PTPRD: variants seen among roughly 807,000 people sequenced by gnomAD.
The protein encoded by PTPRD is protein tyrosine phosphatase receptor type D.
Under a neutral mutation model 214.5 loss-of-function variants are expected in PTPRD, and 34 were observed. The observed-to-expected ratio is 0.16, with a 90% CI of 0.12 to 0.21. PTPRD has a LOEUF of 0.21. Among genes scored for constraint, PTPRD ranks in the 10% least tolerant of loss-of-function variants. The pLI, the probability that PTPRD is intolerant of heterozygous loss-of-function variation, is 1.00. For synonymous variants in PTPRD, 1,128 were observed against 845.7 expected (o/e 1.33, Z -5.79); for missense variants, 2,545 against 2,398.7 (o/e 1.06, Z -1.27).
At chr9:10,556,211 A>G (rs1455624207) in intron 2 of PTPRD, among the ~76,000 whole-genome samples, 1 of 152,150 alleles carries the variant, frequency 6.6e-6, no homozygotes, top group Non-Finnish European at 1.5e-5. Context: ...GTCAAACTTT[A>G]GAGAAATTAC....
intron 2 of PTPRD, among the ~76,000 whole-genome samples, chr9:10,496,232 C>G (rs1175361876): frequency 1.3e-5 from 2 of 151,656 alleles, no homozygotes; most frequent in African/African-American, 2.4e-5. Flanking sequence ...TGTAAGAGCA[C>G]TTGAAGCTAT....
chr9:9,857,464 C>A (rs1168010723), intron 5 of PTPRD, among the ~76,000 whole-genome samples: 1 of 152,114 alleles, frequency 6.6e-6, no homozygotes, highest in African/African-American at 2.4e-5. Context: ...TTTTATTTAT[C>A]TCAAACCATT....
At chr9:9,715,280 C>A (rs533638476) in intron 7 of PTPRD, among the ~76,000 whole-genome samples, 2 of 152,246 alleles carry the variant, frequency 1.3e-5, no homozygotes, top group East Asian at 3.9e-4. Flanking sequence ...ATACATTTTT[C>A]AACTCTAAAT....
At chr9:9,801,818 G>A (rs140190346) in intron 5 of PTPRD, among the ~76,000 whole-genome samples, 2 of 152,010 alleles carry the variant, frequency 1.3e-5, no homozygotes, top group Non-Finnish European at 2.9e-5. Context: ...TTTATCCGTT[G>A]TCTATAAATC....
chr9:9,720,876 C>A (rs1424562064), intron 7 of PTPRD, among the ~76,000 whole-genome samples: 1 of 152,010 alleles, frequency 6.6e-6, no homozygotes, highest in Non-Finnish European at 1.5e-5. Flanking sequence ...TTATCCTTAG[C>A]AAACTAATGC....
intron 5 of PTPRD, among the ~76,000 whole-genome samples, chr9:9,889,622 T>C (rs2153771340): frequency 6.6e-6 from 1 of 152,264 alleles, no homozygotes; most frequent in African/African-American, 2.4e-5. Context: ...AATTCCACAA[T>C]ACATTGCCTG....
intron 3 of PTPRD, among the ~76,000 whole-genome samples, chr9:10,062,131 G>A (rs968975509): frequency 5.9e-5 from 9 of 152,064 alleles, no homozygotes; most frequent in African/African-American, 2.2e-4. Context: ...CACTAATGAG[G>A]AGGGTGGTAG....
intron 4 of PTPRD, among the ~76,000 whole-genome samples, chr9:9,984,905 A>G (rs2095658423): frequency 6.6e-6 from 1 of 152,082 alleles, no homozygotes; most frequent in African/African-American, 2.4e-5. Flanking sequence ...ACACCCAAAA[A>G]CCAAAGGGGA....
At chr9:8,546,240 G>C (rs1183258807) in intron 14 of PTPRD, among the ~76,000 whole-genome samples, 3 of 152,148 alleles carry the variant, frequency 2.0e-5, no homozygotes, top group African/African-American at 7.2e-5. Flanking sequence ...GTTAGCTAAA[G>C]GATGAGAGAG....
rs868210901 is a variant in PTPRD, at chr9:8,436,650, G to A, written c.4028C>T (p.Ala1343Val). 6.8e-6 allele frequency: 11 copies of A among 1,613,358 alleles called. No individual in the cohort carries two copies. In the African/African-American group the frequency reaches 1.1e-4, roughly 16 times the overall value. The change falls in exon 35 of 46, where the codon GCA becomes GTA. Residue 1343 changes from alanine to valine, a missense_variant. Physicochemically the swap from Ala to Val is moderately conservative, Grantham distance 64. Coordinates refer to ENST00000381196, the MANE Select transcript of PTPRD (RefSeq NM_002839.4). Reference sequence around the variant, plus strand: ...TGCTTTCAATCTTTCAATGTGGTCTGCAAGTTCCAAGATGGGTATTGGAGG... The same window carrying A: ...TGCTTTCAATCTTTCAATGTGGTCTACAAGTTCCAAGATGGGTATTGGAGG... ...SHPPIPILELADHIERLKAND... is the reference protein window; with the variant it reads ...SHPPIPILELVDHIERLKAND...
rs182452815 is a variant in PTPRD at position 9,754,457 on chromosome 9, C to T, written c.-326+12353G>A. 2.6e-5 allele frequency among the ~76,000 whole-genome samples: 4 copies of T among 152,144 alleles called. No individual in the cohort carries two copies. The East Asian group carries it at 7.7e-4, about 29-fold the overall frequency. ...ACCCTCTTCAAGTTACTTAACAGCT[C>T]AGTGATTCCATCTCTCTGCAAATGG... On this transcript the variant is annotated intron_variant, in intron 6 of 45. Transcript: ENST00000381196.
At chr9:9,200,524 C>A (rs1274950672) in intron 9 of PTPRD, among the ~76,000 whole-genome samples, 1 of 152,110 alleles carries the variant, frequency 6.6e-6, no homozygotes, top group Non-Finnish European at 1.5e-5. Context: ...ATCCTACAAC[C>A]CTCTCACTTT....
At chr9:9,754,978 T>C (rs1012355087) in intron 6 of PTPRD, among the ~76,000 whole-genome samples, 2 of 152,038 alleles carry the variant, frequency 1.3e-5, no homozygotes, top group African/African-American at 2.4e-5. Context: ...CCAGTGTTTA[T>C]CAAAGGATAA....
chr9:8,524,961 T>A lies in PTPRD; in HGVS notation c.643A>T (p.Thr215Ser), dbSNP rs2139187232. 1.2e-6 allele frequency: 2 copies of A among 1,613,590 alleles called. No individual in the cohort carries two copies. The highest frequency in any genetic ancestry group is 1.7e-6 in the Non-Finnish European group (2 of 1,179,674). ...AAATTGGCAGGAGCGGAATAGCGAG[T>A]GCCCGCGCTGTTGGTGGCAACACAC... is the stretch of plus-strand genomic sequence containing the variant. ...YECVATNSAG[T>S]RYSAPANLYV... The change falls in exon 18 of 46, where the codon ACT becomes TCT. Residue 215 changes from threonine to serine, a missense_variant. Transcript: ENST00000381196.
Position 9,578,467 on chromosome 9 carries a change from G to C in PTPRD, c.-286-3686C>G, listed in dbSNP as rs570900642. On this transcript the variant is annotated intron_variant, in intron 7 of 45. Transcript: ENST00000381196. ...ACTTCCTCTTGACTTAATTTTGCAA[G>C]GAGTCCAAAAATTTGGGGGAGGGAG... Among the ~76,000 whole-genome samples, 42 of 151,928 alleles carry C rather than the reference G, an allele frequency of 2.8e-4. No individual in the cohort carries two copies. In the East Asian group the frequency reaches 8.1e-3, roughly 29 times the overall value.
At chr9:10,195,408 A>AT (rs1356778997) in intron 3 of PTPRD, among the ~76,000 whole-genome samples, 1 of 152,050 alleles carries the variant, frequency 6.6e-6, no homozygotes, top group African/African-American at 2.4e-5. Context: ...TCAAGATTGC[A>AT]TTTCCTAGCC....
intron 4 of PTPRD, among the ~76,000 whole-genome samples, chr9:9,952,843 C>T (rs573351845): frequency 8.3e-4 from 126 of 152,198 alleles, no homozygotes; most frequent in African/African-American, 2.9e-3. Context: ...ATCCACTGCA[C>T]AGTGTTTCTG....
intron 3 of PTPRD, among the ~76,000 whole-genome samples, chr9:10,293,961 C>A (rs545242351): frequency 1.3e-5 from 2 of 152,030 alleles, no homozygotes; most frequent in African/African-American, 4.8e-5. Flanking sequence ...TCTGCAAACC[C>A]ACAATTTAAA....
chr9:9,611,998 G>C (rs932201738), intron 7 of PTPRD, among the ~76,000 whole-genome samples: 2 of 151,652 alleles, frequency 1.3e-5, no homozygotes, highest in African/African-American at 4.8e-5. Context: ...TGTAAAATTA[G>C]AAAAAATAAT....
Sources: allele counts gnomAD v4.1 joint callset (sites outside exome capture counted in the v4.1 genomes callset), GRCh38; gene constraint gnomAD v4.1.1; transcripts MANE v1.5; gene names NCBI Gene and HGNC (gene_info 2026-07-23, HGNC 2026-07-21).